Variants in LTBP1 observed in about 807,000 individuals in gnomAD.
LTBP1 encodes the protein latent transforming growth factor beta binding protein 1, also known as latent-transforming growth factor beta-binding protein 1.
A neutral mutation model predicts 207.6 loss-of-function variants in LTBP1; 129 were observed. That is an observed-to-expected ratio of 0.62 (90% CI 0.54 to 0.72). LTBP1 has a LOEUF of 0.72. Among genes scored for constraint, LTBP1 ranks in the 30% least tolerant of loss-of-function variants. The pLI is 0.00. For synonymous variants in LTBP1, 963 were observed against 833.7 expected, an observed-to-expected ratio of 1.16 and a Z score of -2.67; for missense variants, 2,281 against 2,217.2, an observed-to-expected ratio of 1.03 and a Z score of -0.58.
intron 15 of LTBP1, among the ~76,000 whole-genome samples, chr2:33,269,466 A>G (rs1230986895): frequency 6.6e-6 from 1 of 152,182 alleles, no homozygotes; most frequent in Non-Finnish European, 1.5e-5. Context: ...AGGACATGTG[A>G]GAGAGTCCAG....
At chr2:33,245,486 A>G (rs1035360059) in intron 10 of LTBP1, among the ~76,000 whole-genome samples, 6 of 152,248 alleles carry the variant, frequency 3.9e-5, no homozygotes, top group African/African-American at 1.4e-4. Context: ...CAGATTAGGA[A>G]GTTTTACACG....
At chr2:33,261,926 G>A (rs77337191) in intron 13 of LTBP1, among the ~76,000 whole-genome samples, 2,219 of 152,294 alleles carry the variant, frequency 0.015, 21 homozygotes, top group East Asian at 0.025. Flanking sequence ...CAAGTAACTC[G>A]ATGAGTACTT....
chr2:33,211,305 C>G (rs1000225719), intron 7 of LTBP1, among the ~76,000 whole-genome samples: 3 of 152,158 alleles, frequency 2.0e-5, no homozygotes, highest in Non-Finnish European at 2.9e-5. Flanking sequence ...TTTACCCACA[C>G]CAGGCACCAG....
Position 33,301,541 on chromosome 2 carries a change from C to T in LTBP1, c.3378C>T (p.His1126=), listed in dbSNP as rs1429004654. The change falls in exon 22 of 34, where the codon CAC becomes CAT. Residue 1126 remains histidine (H), a synonymous_variant. Coordinates refer to ENST00000404816, the MANE Select transcript of LTBP1 (RefSeq NM_206943.4). The stretch of plus-strand genomic sequence containing the variant: ...TCATAGACATTGATGAATGCCAGCA[C>T]CGTCATCTCTGTGCTCATGGGCAGT... ...DQCEDIDECQ[H]RHLCAHGQCR... 1 of 1,605,062 alleles carries T rather than the reference C, an allele frequency of 6.2e-7. No individual in the cohort carries two copies. Among genetic ancestry groups the T allele is most frequent in the Non-Finnish European group, 8.5e-7 (1 of 1,176,936 alleles).
chr2:33,110,047 C>T (rs984757250), intron 3 of LTBP1, among the ~76,000 whole-genome samples: 1 of 152,162 alleles, frequency 6.6e-6, no homozygotes, highest in Non-Finnish European at 1.5e-5. Context: ...ATTTCCAGTG[C>T]TGCACGCTTA....
intron 9 of LTBP1, among the ~76,000 whole-genome samples, chr2:33,223,424 A>G (rs991172507): frequency 2.6e-5 from 4 of 152,176 alleles, no homozygotes; most frequent in African/African-American, 9.7e-5. Context: ...AGAATTAACC[A>G]CTTAAGGAGA....
intron 3 of LTBP1, among the ~76,000 whole-genome samples, chr2:33,070,439 A>G (rs2077732559): frequency 6.6e-6 from 1 of 152,230 alleles, no homozygotes; most frequent in African/African-American, 2.4e-5. Flanking sequence ...GCCACAGGCC[A>G]TCACTTCAAC....
At position 33,259,602 on chromosome 2, in the gene LTBP1, C is replaced by A; in HGVS notation, c.2410C>A (p.Pro804Thr). The change falls in exon 13 of 34, where the codon CCT becomes ACT. Residue 804 changes from proline (P) to threonine (T), a missense_variant. This residue lies in a region of LTBP1 where 1,671 missense variants were observed against 1,634.8 expected (regional missense o/e 1.02). Transcript: ENST00000404816. ...TCTGGTTTTAGTGGCAACTGCACCC[C>A]CTGAAAAGGTAATTTATTCATTGCT... ...VAEPEVATAP[P>T]EKEIPSLDQE... The A allele has an allele frequency of 6.2e-7, 1 of 1,602,250 alleles. No homozygotes were observed. Among genetic ancestry groups the A allele is most frequent in the Middle Eastern group, 1.7e-4 (1 of 6,018 alleles).
chr2:33,181,673 T>C (rs2086652253), intron 5 of LTBP1, among the ~76,000 whole-genome samples: 1 of 152,248 alleles, frequency 6.6e-6, no homozygotes, highest in African/African-American at 2.4e-5. Flanking sequence ...TTATGGAATG[T>C]CTCAGCCAGC....
At chr2:33,315,319 A>C in intron 24 of LTBP1, 50 bp downstream of exon 24, 1 of 1,604,352 alleles carries the variant, frequency 6.2e-7, no homozygotes, top group South Asian at 1.1e-5. Flanking sequence ...AAGAGAGAGG[A>C]GATTGCTTTC....
At chr2:33,056,306 T>A (rs1472420009) in intron 3 of LTBP1, 7 of 870,096 alleles carry the variant, frequency 8.0e-6, no homozygotes, top group Non-Finnish European at 1.1e-5. Context: ...CAAAACCGCC[T>A]GCAGTTTTGT....
At chr2:33,286,973 C>T (rs2093677952) in intron 19 of LTBP1, among the ~76,000 whole-genome samples, 1 of 151,214 alleles carries the variant, frequency 6.6e-6, no homozygotes, top group African/African-American at 2.4e-5. Context: ...GGAGATATAC[C>T]TAATGTTAAA....
In LTBP1 at chr2:32,979,918, T is replaced by C. The variant is rs184882196; in HGVS notation, c.565+30973T>C. 1.1e-4 allele frequency among the ~76,000 whole-genome samples: 16 copies of C among 152,312 alleles called. No homozygotes were observed. In the East Asian group the frequency reaches 2.9e-3, roughly 28 times the overall value. On this transcript the variant is annotated intron_variant, in intron 2 of 33. Transcript: ENST00000404816. ...TATATTCTCTTGCTTTATATCCCTA[T>C]ATAATGACTTTTCTTTTCTCTTTTT...
intron 4 of LTBP1, among the ~76,000 whole-genome samples, chr2:33,118,067 G>A (rs1303810842): frequency 6.6e-6 from 1 of 152,050 alleles, no homozygotes. Flanking sequence ...TGACAGATTG[G>A]GAGCCTTACA....
At chr2:33,181,970 A>G (rs1206712432) in intron 5 of LTBP1, among the ~76,000 whole-genome samples, 2 of 152,200 alleles carry the variant, frequency 1.3e-5, no homozygotes, top group Admixed American at 6.5e-5. Context: ...ACTATTAGGT[A>G]TAAAAAGACT....
chr2:33,193,386 CCCGCCTTGG>C (rs1343264305), intron 7 of LTBP1, among the ~76,000 whole-genome samples: 2 of 152,212 alleles, frequency 1.3e-5, no homozygotes. Context: ...AGGTGATCCA[CCCGCCTTGG>C]CCTCCCAAAA....
At chr2:33,130,746 G>A (rs1457803447) in intron 4 of LTBP1, among the ~76,000 whole-genome samples, 1 of 152,120 alleles carries the variant, frequency 6.6e-6, no homozygotes, top group Non-Finnish European at 1.5e-5. Flanking sequence ...GTTGACTCTT[G>A]AGTGTCTTGA....
In LTBP1 at chr2:33,175,888, A is replaced by G. The variant is rs375577982; in HGVS notation, c.1202-10968A>G. Reference sequence around the variant, plus strand: ...GATGAAATTGGAAATCATCATTCTCAGTAAACGATCGCAAGAACAGAAAAC... The same window carrying G: ...GATGAAATTGGAAATCATCATTCTCGGTAAACGATCGCAAGAACAGAAAAC... On this transcript the variant is annotated intron_variant, in intron 5 of 33. Transcript: ENST00000404816. 6.0e-5 allele frequency among the ~76,000 whole-genome samples: 8 copies of G among 132,966 alleles called. No homozygotes were observed. The East Asian group carries it at 1.3e-3, about 21-fold the overall frequency. 87.2% of individuals were successfully genotyped at this position (132,966 alleles called of 152,430 possible). A position where few individuals can be genotyped will look rare whatever the true frequency, so the allele number is the denominator to read the frequency against.
At chr2:33,078,493 C>T (rs1422438894) in intron 3 of LTBP1, among the ~76,000 whole-genome samples, 2 of 152,192 alleles carry the variant, frequency 1.3e-5, no homozygotes, top group African/African-American at 2.4e-5. Flanking sequence ...TCTTGATTAC[C>T]TGTGTTTTTA....
Sources: allele counts gnomAD v4.1 joint callset (sites outside exome capture counted in the v4.1 genomes callset), GRCh38; gene constraint gnomAD v4.1.1; regional missense constraint gnomAD v4.1.1; transcripts MANE v1.5; gene names NCBI Gene and HGNC (gene_info 2026-07-23, HGNC 2026-07-21).